The following MAGI2 variants were observed in gnomAD, a reference collection of about 807,000 sequenced individuals.
MAGI2 encodes the protein membrane-associated guanylate kinase, WW and PDZ domain-containing protein 2.
In MAGI2, 35 loss-of-function variants were observed where a neutral mutation model predicts 133.3. That is an observed-to-expected ratio of 0.26 (90% confidence interval 0.20 to 0.35). The LOEUF (loss-of-function observed/expected upper bound fraction) is 0.35, where lower values mean the gene tolerates loss of function less well. MAGI2 is among the 10% of genes least tolerant of loss of function. The pLI is 1.00. For synonymous variants in MAGI2, 729 were observed against 710.6 expected (o/e 1.03, Z -0.41); for missense variants, 1,636 against 1,863.4 (o/e 0.88, Z 2.25).
chr7:78,956,082 AT>A (rs1418364479), intron 2 of MAGI2, among the ~76,000 whole-genome samples: 2 of 152,070 alleles, frequency 1.3e-5, no homozygotes, highest in East Asian at 3.9e-4. Context: ...GGGACAGGTG[AT>A]GAGGTATTTA....
intron 1 of MAGI2, among the ~76,000 whole-genome samples, chr7:79,234,431 C>A (rs1831688182): frequency 6.6e-6 from 1 of 151,926 alleles, no homozygotes; most frequent in South Asian, 2.1e-4. Flanking sequence ...TTCAGGTACA[C>A]CAATCAGACG....
At chr7:78,284,650 T>G (rs1795969014) in intron 9 of MAGI2, among the ~76,000 whole-genome samples, 1 of 152,046 alleles carries the variant, frequency 6.6e-6, no homozygotes, top group Non-Finnish European at 1.5e-5. Context: ...AGCTGTAAGG[T>G]AGTCACCAGC....
chr7:78,722,986 G>A (rs1263731082), intron 2 of MAGI2, among the ~76,000 whole-genome samples: 1 of 152,028 alleles, frequency 6.6e-6, no homozygotes. Flanking sequence ...AAAGGAAGAT[G>A]TAAGAATGTG....
chr7:79,321,810 A>T (rs1311772782), intron 1 of MAGI2, among the ~76,000 whole-genome samples: 1 of 152,232 alleles, frequency 6.6e-6, no homozygotes, highest in Non-Finnish European at 1.5e-5. Context: ...TGTGCTAGCC[A>T]GTGGACTAGG....
Position 79,023,735 on chromosome 7 carries a change from A to G in MAGI2, c.302-16529T>C, listed in dbSNP as rs1200784271. 2.0e-5 allele frequency among the ~76,000 whole-genome samples: 3 copies of G among 152,326 alleles called. No individual in the cohort carries two copies. In the East Asian group the frequency reaches 5.8e-4, roughly 29 times the overall value. ...AATTGAGACTGCAATTCCATTCACA[A>G]TAGCAACAAAAAGAATAAAATACCT... On this transcript the variant is annotated intron_variant, in intron 1 of 21. Transcript: ENST00000354212.
At chr7:79,373,661 T>C (rs1843196960) in intron 1 of MAGI2, among the ~76,000 whole-genome samples, 1 of 151,956 alleles carries the variant, frequency 6.6e-6, no homozygotes. Context: ...TAGGTAAACA[T>C]AAAATTTAAA....
intron 21 of MAGI2, among the ~76,000 whole-genome samples, chr7:78,058,853 G>A (rs1025824469): frequency 2.0e-5 from 3 of 152,128 alleles, no homozygotes; most frequent in South Asian, 2.1e-4. Flanking sequence ...GCTAGTTAAC[G>A]GCATCACTTT....
chr7:79,403,142 C>T (rs1275902603), intron 1 of MAGI2, among the ~76,000 whole-genome samples: 1 of 152,094 alleles, frequency 6.6e-6, no homozygotes, highest in African/African-American at 2.4e-5. Context: ...TAGTTCTATC[C>T]AATGTATAAT....
intron 20 of MAGI2, among the ~76,000 whole-genome samples, chr7:78,106,786 A>G (rs1037448325): frequency 1.3e-5 from 2 of 152,116 alleles, no homozygotes; most frequent in Admixed American, 1.3e-4. Context: ...CAGTTTGTAG[A>G]TATTTTCTCC....
intron 2 of MAGI2, among the ~76,000 whole-genome samples, chr7:78,760,747 T>G (rs977952258): frequency 1.3e-5 from 2 of 152,196 alleles, no homozygotes; most frequent in Non-Finnish European, 2.9e-5. Flanking sequence ...TGTAAGTGTG[T>G]GTGCAAGAAA....
intron 2 of MAGI2, among the ~76,000 whole-genome samples, chr7:78,765,502 C>T (rs937337517): frequency 6.6e-6 from 1 of 151,904 alleles, no homozygotes; most frequent in East Asian, 1.9e-4. Context: ...GTGTCCACTA[C>T]CACACCCGGC....
At chr7:79,349,384 T>C (rs1054554671) in intron 1 of MAGI2, among the ~76,000 whole-genome samples, 2 of 152,112 alleles carry the variant, frequency 1.3e-5, no homozygotes, top group East Asian at 1.9e-4. Flanking sequence ...CCTGGACAAG[T>C]ATTCTACTTC....
intron 1 of MAGI2, among the ~76,000 whole-genome samples, chr7:79,416,731 C>CTTTTTT (rs1360457770): frequency 2.0e-4 from 26 of 129,290 alleles, no homozygotes; most frequent in Non-Finnish European, 3.3e-4. Flanking sequence ...TTTTCTTTTT[C>CTTTTTT]TTTTTTTTTT....
chr7:78,970,012 C>A (rs1053086626), intron 2 of MAGI2, among the ~76,000 whole-genome samples: 76 of 152,066 alleles, frequency 5.0e-4, no homozygotes, highest in African/African-American at 1.8e-3. Context: ...CAGCTCAGAC[C>A]CATGCATGCT....
intron 3 of MAGI2, among the ~76,000 whole-genome samples, chr7:78,536,435 C>T (rs1001462995): frequency 6.6e-6 from 1 of 152,078 alleles, no homozygotes; most frequent in African/African-American, 2.4e-5. Flanking sequence ...TATGGTGATT[C>T]CCCTGTCTTG....
At chr7:78,724,152 G>C in intron 2 of MAGI2, among the ~76,000 whole-genome samples, 1 of 152,118 alleles carries the variant, frequency 6.6e-6, no homozygotes, top group East Asian at 1.9e-4. Context: ...TAAAGGAAAT[G>C]TATAGAAGAA....
At chr7:79,077,591 A>AT (rs201094964) in intron 1 of MAGI2, among the ~76,000 whole-genome samples, 1,528 of 135,768 alleles carry the variant, frequency 0.011, 163 homozygotes, top group East Asian at 0.093. Flanking sequence ...AAAAAAAAAA[A>AT]AAAATAAATA....
At chr7:78,143,771 AC>A (rs1391615098) in intron 16 of MAGI2, among the ~76,000 whole-genome samples, 3 of 152,172 alleles carry the variant, frequency 2.0e-5, no homozygotes, top group Non-Finnish European at 4.4e-5. Flanking sequence ...TGTACTCATT[AC>A]TTTGGCCTTT....
At chr7:79,060,286 A>G (rs1179038558) in intron 1 of MAGI2, among the ~76,000 whole-genome samples, 1 of 152,134 alleles carries the variant, frequency 6.6e-6, no homozygotes, top group East Asian at 1.9e-4. Context: ...TACATGTGCA[A>G]TGAGAATGGA....
Sources: gnomAD v4.1 joint callset for allele counts (sites outside exome capture counted in the v4.1 genomes callset) on GRCh38, gnomAD v4.1.1 for gene constraint, MANE v1.5 for transcripts, NCBI Gene and HGNC (gene_info 2026-07-23, HGNC 2026-07-21) for gene names.